The following TNKS1BP1 variants were observed in gnomAD, a reference collection of about 807,000 sequenced individuals.
TNKS1BP1 encodes the protein 182 kDa tankyrase-1-binding protein.
TNKS1BP1 carries 48 observed loss-of-function variants against 141.1 expected under a neutral mutation model. The ratio of observed to expected loss-of-function variants is 0.34; its 90% CI spans 0.27 to 0.43. The LOEUF (loss-of-function observed/expected upper bound fraction) is 0.43, where lower values mean the gene tolerates loss of function less well. TNKS1BP1 is among the 20% of genes least tolerant of loss of function. The probability of loss-of-function intolerance (pLI) is 1.00; values close to 1 mark genes in which losing one functional copy is unlikely to be tolerated. For synonymous variants in TNKS1BP1, 875 were observed against 898.2 expected (o/e 0.97, Z 0.46); for missense variants, 2,149 against 2,226.0 (o/e 0.97, Z 0.70).
In TNKS1BP1 at chr11:57,309,365, C is replaced by CG; in HGVS notation, c.3345dup (p.Glu1116ArgfsTer4). On this transcript the variant is annotated frameshift_variant, in exon 6 of 12. Coordinates refer to ENST00000358252, the MANE Select transcript of TNKS1BP1 (RefSeq NM_033396.3). LOFTEE classifies it high-confidence loss of function. This position sits in a 1 kb window ranked among gnomAD's most constrained non-coding sequence, Gnocchi z 4.3. ...AACTGATAGCTCCTCTCACTGGCCT[C>CG]GATGCAGAAGTCCCGGCTCCAGTCC... is the stretch of plus-strand genomic sequence containing the variant. The CG allele has an allele frequency of 6.2e-7, 1 of 1,614,152 alleles. No individual in the cohort carries two copies. The highest frequency in any genetic ancestry group is 8.5e-7 in the Non-Finnish European group (1 of 1,180,032).
At position 57,300,957 on chromosome 11, in the gene TNKS1BP1, G is replaced by A. The variant is rs775643615; in HGVS notation, c.5056C>T (p.Arg1686Cys). 41 of 1,613,946 alleles carry A rather than the reference G, an allele frequency of 2.5e-5. No individual in the cohort carries two copies. The African/African-American group carries it at 2.8e-4, about 11-fold the overall frequency. The change falls in exon 10 of 12, where the codon CGT becomes TGT. Residue 1686 changes from arginine to cysteine, a missense_variant. By Grantham distance (180) the Arg-to-Cys change is radical (BLOSUM62 -3). Transcript: ENST00000358252. Reference sequence around the variant, plus strand: ...CCTGGGACCTTGCAGGATTTCGAACGCTGGACCGCGGACTCCTTCTGGCTC... The same window carrying A: ...CCTGGGACCTTGCAGGATTTCGAACACTGGACCGCGGACTCCTTCTGGCTC... ...KSSQKESAVQ[R>C]SKSCKVPGLG...
intron 2 of TNKS1BP1, 48 bp downstream of exon 2, chr11:57,321,744 T>TGGGC: frequency 9.6e-7 from 1 of 1,039,820 alleles, no homozygotes; most frequent in Non-Finnish European, 1.5e-6. Flanking sequence ...CCTCTGTCCT[T>TGGGC]CCCACCCCCC....
At chr11:57,306,718 C>T (rs925840588) in intron 6 of TNKS1BP1, among the ~76,000 whole-genome samples, 28 of 152,172 alleles carry the variant, frequency 1.8e-4, no homozygotes, top group Admixed American at 1.4e-3. Flanking sequence ...ATTACGGTAA[C>T]ACAACCACAA....
intron 4 of TNKS1BP1, among the ~76,000 whole-genome samples, chr11:57,317,224 A>G (rs929638927): frequency 5.3e-5 from 8 of 152,214 alleles, no homozygotes; most frequent in African/African-American, 1.9e-4. Flanking sequence ...ATCAAGTCAG[A>G]TCTCCAGCTA....
rs1565044196 is a variant in TNKS1BP1, at chr11:57,313,818, G to A, written c.870C>T (p.Leu290=). 7 of 1,559,428 alleles carry A rather than the reference G, an allele frequency of 4.5e-6. No homozygotes were observed. Among genetic ancestry groups the A allele is most frequent in the East Asian group, 4.5e-5 (2 of 44,228 alleles). ...GGCCTGAGCCTGAGGCTTCTGCGGGGAGGCCTGGGCTGGCAGGGCCTCCAT... is the reference window on the plus strand; with the variant it reads ...GGCCTGAGCCTGAGGCTTCTGCGGGAAGGCCTGGGCTGGCAGGGCCTCCAT... ...SENGGPASPG[L]PAEASGSGPG... The change falls in exon 5 of 12, where the codon CTC becomes CTT. Residue 290 remains leucine (L), a synonymous_variant. Coordinates refer to ENST00000358252, the MANE Select transcript of TNKS1BP1 (RefSeq NM_033396.3).
In TNKS1BP1 at chr11:57,309,627, G is replaced by C. The variant is rs141870467; in HGVS notation, c.3084C>G (p.Phe1028Leu). The C allele has an allele frequency of 5.0e-6, 8 of 1,614,046 alleles. No homozygotes were observed. The highest frequency in any genetic ancestry group is 6.8e-6 in the Non-Finnish European group (8 of 1,180,020). ...CCGGCACGTGGGCAGTGCTAGGACT[G>C]AACAAGCCCCCGGATCCTCTCTCTC... is the stretch of plus-strand genomic sequence containing the variant. Reference protein sequence around the residue: ...RPGERGSGGLFSPSTAHVPDG... With the variant: ...RPGERGSGGLLSPSTAHVPDG... The change falls in exon 6 of 12, where the codon TTC becomes TTG. Residue 1028 changes from phenylalanine (F) to leucine (L), a missense_variant. By Grantham distance (22) the Phe-to-Leu change is conservative. Coordinates refer to ENST00000358252, the MANE Select transcript of TNKS1BP1 (RefSeq NM_033396.3). This position sits in a 1 kb window ranked among gnomAD's most constrained non-coding sequence, Gnocchi z 4.3.
chr11:57,314,334 G>A (rs988800757), intron 4 of TNKS1BP1, among the ~76,000 whole-genome samples: 17 of 152,212 alleles, frequency 1.1e-4, no homozygotes, highest in Admixed American at 5.2e-4. Context: ...CAGGATTCGA[G>A]GTGCAGTGCA....
chr11:57,313,775 G>T lies in TNKS1BP1; in HGVS notation c.913C>A (p.His305Asn), dbSNP rs1855756125. ...SGSGPGSPHL[H>N]PPDKSSPCHS... ...CAGGGAGAACTCTTATCAGGCGGGT[G>T]AAGATGGGGAGAGCCAGGGCCTGAG... Residue 305 changes from histidine (H) to asparagine (N), a missense_variant, in exon 5 of 12, where the codon CAC becomes AAC. Coordinates refer to ENST00000358252, the MANE Select transcript of TNKS1BP1 (RefSeq NM_033396.3). The T allele has an allele frequency of 6.3e-7, 1 of 1,597,744 alleles. No homozygotes were observed. The highest frequency in any genetic ancestry group is 8.5e-7 in the Non-Finnish European group (1 of 1,172,778).
Position 57,302,309 on chromosome 11 carries a change from C to T in TNKS1BP1, c.4684-85G>A. The T allele has an allele frequency of 6.5e-7, 1 of 1,544,086 alleles. No individual in the cohort carries two copies. The highest frequency in any genetic ancestry group is 8.7e-7 in the Non-Finnish European group (1 of 1,143,074). Reference sequence around the variant, plus strand: ...ACAGTAGCTGACCAGGAGCTGGACCCCTCCTGCAGCCGGAGCTTCACGTTC... The same window carrying T: ...ACAGTAGCTGACCAGGAGCTGGACCTCTCCTGCAGCCGGAGCTTCACGTTC... On this transcript the variant is annotated intron_variant, in intron 7 of 11. Transcript: ENST00000358252. This position sits in a 1 kb window ranked among gnomAD's most constrained non-coding sequence, Gnocchi z 5.5.
At chr11:57,324,739 C>T in intron 1 of TNKS1BP1, 101 bp downstream of exon 1, 1 of 968,846 alleles carries the variant, frequency 1.0e-6, no homozygotes, top group Non-Finnish European at 1.2e-6. Context: ...ACCACCTCAA[C>T]CCGAGGTGTC....
intron 6 of TNKS1BP1, among the ~76,000 whole-genome samples, chr11:57,304,085 C>T (rs1021457561): frequency 3.3e-5 from 5 of 152,070 alleles, no homozygotes; most frequent in Non-Finnish European, 5.9e-5. Flanking sequence ...CGGCACAGAG[C>T]CACACCTGAC....
At chr11:57,304,872 CAAAAAAA>C (rs35084894) in intron 6 of TNKS1BP1, among the ~76,000 whole-genome samples, 23 of 72,746 alleles carry the variant, frequency 3.2e-4, no homozygotes, top group African/African-American at 1.1e-3. Flanking sequence ...AACTCCGTCT[CAAAAAAA>C]AAAAAAAAAA....
chr11:57,307,896 G>A (rs1206051005), intron 6 of TNKS1BP1, among the ~76,000 whole-genome samples: 2 of 152,234 alleles, frequency 1.3e-5, no homozygotes, highest in African/African-American at 4.8e-5. Flanking sequence ...CTTCAAGACA[G>A]GACAGGCAAG....
At chr11:57,324,062 G>A (rs1339567595) in intron 1 of TNKS1BP1, among the ~76,000 whole-genome samples, 2 of 148,980 alleles carry the variant, frequency 1.3e-5, no homozygotes, top group Non-Finnish European at 2.9e-5. Flanking sequence ...CAAGAGACCA[G>A]GGGGTAGAGG....
chr11:57,305,355 G>C (rs896204181), intron 6 of TNKS1BP1, among the ~76,000 whole-genome samples: 2 of 152,172 alleles, frequency 1.3e-5, no homozygotes, highest in African/African-American at 4.8e-5. Flanking sequence ...AAATTATTAG[G>C]ATAGTCATTA....
chr11:57,320,017 A>AAACCCCCCCCCCAGACCCCCCCGCTGCC, intron 3 of TNKS1BP1, 62 bp downstream of exon 3: 1 of 483,140 alleles, frequency 2.1e-6, no homozygotes, highest in Non-Finnish European at 3.5e-6. Context: ...CCCAGCCCCC[A>AAACCCCCCCCCCAGACCCCCCCGCTGCC]CCCAATCCCA....
rs1855739470 is a variant in TNKS1BP1 at position 57,313,087 on chromosome 11, G to A, written c.1601C>T (p.Ala534Val). The A allele has an allele frequency of 2.5e-6, 4 of 1,613,552 alleles. No individual in the cohort carries two copies. The highest frequency in any genetic ancestry group is 1.1e-5 in the South Asian group (1 of 91,086). Residue 534 changes from alanine to valine, a missense_variant, in exon 5 of 12, where the codon GCT becomes GTT. Transcript: ENST00000358252. Reference sequence around the variant, plus strand: ...CCAGGAACTTCCTGACCCACTTGGAGCTGACCCAGCCCCTTGCCCCTGCTG... The same window carrying A: ...CCAGGAACTTCCTGACCCACTTGGAACTGACCCAGCCCCTTGCCCCTGCTG... ...VSQQGQGAGS[A>V]PSGSGSSWVQ...
rs1333202081 is a variant in TNKS1BP1, at chr11:57,313,302, A to T, written c.1386T>A (p.Arg462=). ...QGQGSQLALD[R]PFGAESNWSL... ...TCCAGTTGGACTCTGCCCCAAAGGGACGATCCAGGGCCAACTGGCTCCCCT... is the reference window on the plus strand; with the variant it reads ...TCCAGTTGGACTCTGCCCCAAAGGGTCGATCCAGGGCCAACTGGCTCCCCT... Residue 462 remains arginine (R), a synonymous_variant, in exon 5 of 12, where the codon CGT becomes CGA. Coordinates refer to ENST00000358252, the MANE Select transcript of TNKS1BP1 (RefSeq NM_033396.3). 2 of 1,612,994 alleles carry T rather than the reference A, an allele frequency of 1.2e-6. No homozygotes were observed. Among genetic ancestry groups the T allele is most frequent in the Non-Finnish European group, 8.5e-7 (1 of 1,180,012 alleles).
rs370540760 is a variant in TNKS1BP1, at chr11:57,308,857, A to G, written c.3854T>C (p.Leu1285Pro). 19 of 1,613,884 alleles carry G rather than the reference A, an allele frequency of 1.2e-5. No individual in the cohort carries two copies. In the East Asian group the frequency reaches 2.9e-4, roughly 25 times the overall value. Residue 1285 changes from leucine to proline, a missense_variant, in exon 6 of 12, where the codon CTT (leucine) becomes CCT (proline). Leu to Pro is a moderately conservative substitution (Grantham distance 98, BLOSUM62 -3). Coordinates refer to ENST00000358252, the MANE Select transcript of TNKS1BP1 (RefSeq NM_033396.3). ...GVGQADWTPD[L>P]GLRNMAPGAV... The stretch of plus-strand genomic sequence containing the variant: ...CCCTGGGGCCATGTTTCTCAGCCCA[A>G]GGTCAGGTGTCCAGTCTGCCTGTCC...
Sources: allele counts gnomAD v4.1 joint callset (sites outside exome capture counted in the v4.1 genomes callset), GRCh38; gene constraint gnomAD v4.1.1; non-coding constraint Gnocchi (gnomAD v3.1); transcripts MANE v1.5; gene names NCBI Gene and HGNC (gene_info 2026-07-23, HGNC 2026-07-21).